BMP5: variants seen among roughly 807,000 people sequenced by gnomAD.
BMP5 encodes the protein bone morphogenetic protein 5.
In BMP5, 23 loss-of-function variants were observed where a neutral mutation model predicts 46.6. The ratio of observed to expected loss-of-function variants is 0.49; its 90% CI spans 0.35 to 0.70. The LOEUF is 0.70. BMP5 is among the 30% of genes least tolerant of loss of function. BMP5 has a pLI of 0.00. For missense variants in BMP5, 545 were observed against 565.6 expected, an observed-to-expected ratio of 0.96 and a Z score of 0.37; for synonymous variants, 204 against 191.9, an observed-to-expected ratio of 1.06 and a Z score of -0.52.
chr6:55,776,967 T>C (rs1283050562), intron 3 of BMP5, among the ~76,000 whole-genome samples: 1 of 151,988 alleles, frequency 6.6e-6, no homozygotes, highest in Non-Finnish European at 1.5e-5. Context: ...AAGGTGGATA[T>C]TGTATTTGAA....
At chr6:55,838,218 A>C (rs112489824) in intron 1 of BMP5, among the ~76,000 whole-genome samples, 3,784 of 152,202 alleles carry the variant, frequency 0.025, 144 homozygotes, top group African/African-American at 0.086. Flanking sequence ...GAACCTCCAA[A>C]CTGTTCTCCA....
intron 4 of BMP5, chr6:55,772,947 T>A (rs1775081836): frequency 2.0e-6 from 2 of 983,624 alleles, no homozygotes; most frequent in Non-Finnish European, 2.4e-6. Context: ...AAGGTCGTCA[T>A]CTATTTCTTA....
At chr6:55,792,194 C>A (rs764154190) in intron 3 of BMP5, among the ~76,000 whole-genome samples, 78 of 152,130 alleles carry the variant, frequency 5.1e-4, no homozygotes, top group Admixed American at 1.3e-3. Flanking sequence ...AGGTCTGAAC[C>A]TTTGCCTATA....
chr6:55,780,083 T>C (rs1417764909), intron 3 of BMP5, among the ~76,000 whole-genome samples: 2 of 151,554 alleles, frequency 1.3e-5, no homozygotes, highest in East Asian at 3.9e-4. Context: ...AAAAGAGTAA[T>C]CTAAAAAAAA....
chr6:55,871,115 C>T (rs1777777180), intron 1 of BMP5, among the ~76,000 whole-genome samples: 1 of 151,588 alleles, frequency 6.6e-6, no homozygotes, highest in African/African-American at 2.4e-5. Context: ...TTTGTGTAAA[C>T]AAGAGATAAA....
chr6:55,812,371 TAAGAA>T (rs1467589632), intron 2 of BMP5, among the ~76,000 whole-genome samples: 1 of 152,104 alleles, frequency 6.6e-6, no homozygotes, highest in Non-Finnish European at 1.5e-5. Flanking sequence ...GATAAATAAA[TAAGAA>T]AAGAGGTGAC....
At chr6:55,786,970 G>C (rs1394092407) in intron 3 of BMP5, among the ~76,000 whole-genome samples, 1 of 151,670 alleles carries the variant, frequency 6.6e-6, no homozygotes, top group Non-Finnish European at 1.5e-5. Flanking sequence ...CCTCAGATAA[G>C]TGGACATAAT....
intron 1 of BMP5, among the ~76,000 whole-genome samples, chr6:55,833,797 T>C (rs1437139951): frequency 1.3e-5 from 2 of 152,176 alleles, no homozygotes; most frequent in Non-Finnish European, 1.5e-5. Flanking sequence ...CCCAAAATCA[T>C]GCAGGATATC....
At chr6:55,868,966 G>A (rs1777715150) in intron 1 of BMP5, among the ~76,000 whole-genome samples, 1 of 152,212 alleles carries the variant, frequency 6.6e-6, no homozygotes, top group South Asian at 2.1e-4. Flanking sequence ...AACTTAAGGT[G>A]CAAAGAAGCA....
chr6:55,763,086 T>A (rs907690483), intron 4 of BMP5, among the ~76,000 whole-genome samples: 8 of 152,122 alleles, frequency 5.3e-5, no homozygotes, highest in African/African-American at 1.7e-4. Flanking sequence ...CTTAATTTGG[T>A]TATTAGGCCT....
chr6:55,843,938 T>C (rs1024733345), intron 1 of BMP5, among the ~76,000 whole-genome samples: 3 of 152,178 alleles, frequency 2.0e-5, no homozygotes, highest in Non-Finnish European at 2.9e-5. Context: ...TTTTACTAGG[T>C]ATCAGTCATG....
chr6:55,761,502 ACTT>A (rs750058345), intron 4 of BMP5, among the ~76,000 whole-genome samples: 18 of 151,530 alleles, frequency 1.2e-4, no homozygotes, highest in East Asian at 3.9e-4. Context: ...TCTGACTCTC[ACTT>A]CTTCTCCTTC....
In BMP5 at chr6:55,760,108, A is replaced by G. The variant is rs544769416; in HGVS notation, c.1104+349T>C. Among the ~76,000 whole-genome samples, 332 of 152,100 alleles carry G rather than the reference A, an allele frequency of 2.2e-3. 3 individuals are homozygous for G. Among genetic ancestry groups the G allele is most frequent in the South Asian group, 0.022 (105 of 4,826 alleles). ...GACATTCCAATAGTTGGAGACCCTC[A>G]GAGGCTTAGTGGAGTTACTTATACT... On this transcript the variant is annotated intron_variant, in intron 5 of 6. Coordinates refer to ENST00000370830, the MANE Select transcript of BMP5 (RefSeq NM_021073.4).
At chr6:55,832,021 A>G (rs1439568889) in intron 1 of BMP5, among the ~76,000 whole-genome samples, 3 of 152,164 alleles carry the variant, frequency 2.0e-5, no homozygotes, top group Non-Finnish European at 4.4e-5. Context: ...ATAGGAGGCA[A>G]ATAGTCCGTA....
intron 3 of BMP5, among the ~76,000 whole-genome samples, chr6:55,788,900 T>G (rs1197203153): frequency 6.6e-6 from 1 of 151,932 alleles, no homozygotes; most frequent in African/African-American, 2.4e-5. Context: ...TATTTTACAT[T>G]TAAGTATCAG....
intron 1 of BMP5, among the ~76,000 whole-genome samples, chr6:55,854,523 A>C (rs1387406549): frequency 6.6e-6 from 1 of 151,980 alleles, no homozygotes. Context: ...TTTATCATTC[A>C]ATAAAGATAA....
chr6:55,770,082 T>C (rs1418581260), intron 4 of BMP5, among the ~76,000 whole-genome samples: 4 of 151,832 alleles, frequency 2.6e-5, no homozygotes, highest in Non-Finnish European at 5.9e-5. Flanking sequence ...TTCAATTTAA[T>C]CTCACCAGGT....
At chr6:55,761,144 T>C (rs1021986440) in intron 4 of BMP5, among the ~76,000 whole-genome samples, 5 of 152,008 alleles carry the variant, frequency 3.3e-5, no homozygotes, top group South Asian at 2.1e-4. Context: ...TCTTTTTTTT[T>C]CTTTCATTTA....
At chr6:55,873,581 AC>A (rs1244490606) in intron 1 of BMP5, among the ~76,000 whole-genome samples, 2 of 151,884 alleles carry the variant, frequency 1.3e-5, no homozygotes, top group Non-Finnish European at 2.9e-5. Flanking sequence ...GTATTTAAAA[AC>A]CACCATGAAG....
Sources: allele counts gnomAD v4.1 joint callset (sites outside exome capture counted in the v4.1 genomes callset), GRCh38; gene constraint gnomAD v4.1.1; transcripts MANE v1.5; gene names NCBI Gene and HGNC (gene_info 2026-07-23, HGNC 2026-07-21).